FAAH2: variants seen among roughly 807,000 people sequenced by gnomAD.
FAAH2 encodes the protein fatty-acid amide hydrolase 2.
In FAAH2, 60 loss-of-function variants were observed where a neutral mutation model predicts 36.9. The ratio of observed to expected loss-of-function variants is 1.63; its 90% confidence interval spans 1.32 to 2.02. The LOEUF is 2.02. Ranked by LOEUF, FAAH2 falls within the 30% of genes most tolerant of loss-of-function variation. The pLI is 0.00. For synonymous variants in FAAH2, 214 were observed against 143.8 expected (o/e 1.49, Z -3.49); for missense variants, 689 against 397.5 (o/e 1.73, Z -6.23).
chrX:57,480,846 C>T (rs1288551001), intron 10 of FAAH2, among the ~76,000 whole-genome samples: 3 of 110,999 alleles, frequency 2.7e-5, no homozygotes, highest in East Asian at 2.8e-4. Context: ...AACTTGATTC[C>T]ATTCTCCCCA....
the FAAH2 span, among the ~76,000 whole-genome samples, chrX:57,213,605 C>T: frequency 9.0e-6 from 1 of 111,488 alleles, no homozygotes; most frequent in Non-Finnish European, 1.9e-5. Flanking sequence ...TTCAGGAGTA[C>T]GTTATTTAAT....
At chrX:57,467,145 C>G (rs1221869275) in intron 10 of FAAH2, among the ~76,000 whole-genome samples, 3 of 111,304 alleles carry the variant, frequency 2.7e-5, no homozygotes, top group Admixed American at 1.9e-4. Flanking sequence ...CAAATAGGAA[C>G]AGCTCCAGTC....
chrX:57,213,024 C>T, the FAAH2 span, among the ~76,000 whole-genome samples: 2 of 111,158 alleles, frequency 1.8e-5, no homozygotes, highest in African/African-American at 6.5e-5. Flanking sequence ...CTACTCATTA[C>T]TGGTCTATTC....
rs766389808 is a variant in FAAH2 at position 57,380,963 on chromosome X, G to A, written c.930G>A (p.Met310Ile). The A allele has an allele frequency of 4.2e-6, 5 of 1,199,755 alleles. No individual in the cohort carries two copies. Among genetic ancestry groups the A allele is most frequent in the African/African-American group, 1.8e-5 (1 of 56,848 alleles). The change falls in exon 7 of 11, where the codon ATG becomes ATA. Residue 310 changes from methionine (M) to isoleucine (I), a missense_variant. Transcript: ENST00000374900. ...TAAAAGACTTAAAATTTTACTGGAT[G>A]GAACATGATGGAGGCTCATTTTTAA... ...VHLKDLKFYWMEHDGGSFLMS... is the reference protein window; with the variant it reads ...VHLKDLKFYWIEHDGGSFLMS...
At chrX:57,486,078 TC>T (rs1404605702) in intron 10 of FAAH2, among the ~76,000 whole-genome samples, 3 of 111,678 alleles carry the variant, frequency 2.7e-5, no homozygotes, top group Non-Finnish European at 5.6e-5. Flanking sequence ...CTGATGGCTA[TC>T]CTTTGCAATC....
chrX:57,401,931 C>T (rs185586340), intron 7 of FAAH2, among the ~76,000 whole-genome samples: 1 of 111,474 alleles, frequency 9.0e-6, no homozygotes, highest in East Asian at 2.9e-4. Context: ...GAGTAAAGTT[C>T]CCCAGTCACA....
At chrX:57,473,493 A>G (rs1161881346) in intron 10 of FAAH2, among the ~76,000 whole-genome samples, 5 of 111,223 alleles carry the variant, frequency 4.5e-5, no homozygotes, top group Non-Finnish European at 7.5e-5. Context: ...AGCAGAATGT[A>G]TATTCTGTGG....
intron 10 of FAAH2, among the ~76,000 whole-genome samples, chrX:57,460,010 A>G (rs1204237400): frequency 8.9e-6 from 1 of 111,884 alleles, no homozygotes; most frequent in Non-Finnish European, 1.9e-5. Flanking sequence ...ACGAATTGAC[A>G]GAAGTAGGCT....
chrX:57,135,680 G>C, the FAAH2 span: 1 of 1,088,900 alleles, frequency 9.2e-7, no homozygotes, highest in Non-Finnish European at 1.2e-6. Flanking sequence ...ATTTTTTAGA[G>C]CAAAACAACA....
intron 3 of FAAH2, among the ~76,000 whole-genome samples, chrX:57,324,432 G>A (rs763422440): frequency 4.3e-4 from 48 of 111,867 alleles, no homozygotes; most frequent in African/African-American, 1.4e-3. Flanking sequence ...ACCTTGGGCA[G>A]TATGGCCATT....
chrX:57,187,259 T>C, the FAAH2 span, among the ~76,000 whole-genome samples: 4 of 111,282 alleles, frequency 3.6e-5, no homozygotes, highest in Admixed American at 2.9e-4. Context: ...TGGTTTCAGT[T>C]CTCCTTGAAG....
chrX:57,166,734 A>G, the FAAH2 span, among the ~76,000 whole-genome samples: 1 of 112,001 alleles, frequency 8.9e-6, no homozygotes, highest in East Asian at 2.8e-4. Context: ...GGTCGCCCCA[A>G]CCATCCTTAT....
At chrX:57,170,401 T>C in the FAAH2 span, among the ~76,000 whole-genome samples, 3 of 111,932 alleles carry the variant, frequency 2.7e-5, no homozygotes, top group African/African-American at 9.7e-5. Flanking sequence ...TGCTTCTACC[T>C]GTTGGTTATA....
At chrX:57,177,142 GA>G in the FAAH2 span, among the ~76,000 whole-genome samples, 6 of 111,166 alleles carry the variant, frequency 5.4e-5, no homozygotes, top group Admixed American at 3.9e-4. Flanking sequence ...CCAATAGTGA[GA>G]AGTCCCATCC....
intron 3 of FAAH2, 114 bp from the exon 4 acceptor site, chrX:57,331,484 C>T (rs987082385): frequency 1.7e-6 from 1 of 574,782 alleles, no homozygotes; most frequent in East Asian, 3.6e-5. Context: ...ATGCCCCAAC[C>T]CTTTGTGGGA....
At chrX:57,225,408 T>A in the FAAH2 span, among the ~76,000 whole-genome samples, 1 of 112,277 alleles carries the variant, frequency 8.9e-6, no homozygotes, top group Non-Finnish European at 1.9e-5. Context: ...CCAATGCTCA[T>A]TCAGGAGCAG....
At chrX:57,296,515 G>A (rs1204158798) in intron 2 of FAAH2, among the ~76,000 whole-genome samples, 3 of 111,343 alleles carry the variant, frequency 2.7e-5, no homozygotes, top group Non-Finnish European at 1.9e-5. Flanking sequence ...AAACAGAGCG[G>A]AAAAACCAGA....
intron 3 of FAAH2, among the ~76,000 whole-genome samples, chrX:57,325,334 C>G: frequency 9.0e-6 from 1 of 111,321 alleles, no homozygotes; most frequent in Admixed American, 9.5e-5. Context: ...GCTTTGGTAT[C>G]AGGATGATGC....
chrX:57,461,807 T>C (rs1387175211), intron 10 of FAAH2, among the ~76,000 whole-genome samples: 1 of 108,926 alleles, frequency 9.2e-6, no homozygotes, highest in Non-Finnish European at 1.9e-5. Context: ...CAGAGCAGAA[T>C]TGAAGGAGAT....
Sources: allele counts gnomAD v4.1 joint callset (sites outside exome capture counted in the v4.1 genomes callset), GRCh38; gene constraint gnomAD v4.1.1; transcripts MANE v1.5; gene names NCBI Gene and HGNC (gene_info 2026-07-23, HGNC 2026-07-21).